Variants in CNTN4 observed in about 807,000 individuals in gnomAD.
CNTN4 encodes the protein contactin 4, also known as contactin-4.
Under a neutral mutation model 122.5 loss-of-function variants are expected in CNTN4, and 77 were observed. The observed-to-expected ratio is 0.63, with a 90% CI of 0.52 to 0.76. The LOEUF is 0.76. Among genes scored for constraint, CNTN4 ranks in the 30% least tolerant of loss-of-function variants. The pLI is 0.00. For synonymous variants in CNTN4, 512 were observed against 447.0 expected (o/e 1.15, Z -1.83); for missense variants, 1,256 against 1,259.1 (o/e 1.00, Z 0.04).
At chr3:2,645,841 AC>A (rs2083092260) in intron 4 of CNTN4, among the ~76,000 whole-genome samples, 2 of 152,214 alleles carry the variant, frequency 1.3e-5, no homozygotes, top group African/African-American at 4.8e-5. Context: ...TTCTGTTTTC[AC>A]CCTCTGACCT....
intron 7 of CNTN4, chr3:2,866,468 C>G: frequency 7.9e-7 from 1 of 1,262,054 alleles, no homozygotes; most frequent in Non-Finnish European, 1.0e-6. Context: ...ACCTGATTAG[C>G]AAACTATAAA....
chr3:2,733,381 A>G (rs2088835428), intron 4 of CNTN4, among the ~76,000 whole-genome samples: 1 of 152,206 alleles, frequency 6.6e-6, no homozygotes, highest in South Asian at 2.1e-4. Flanking sequence ...TTAATTCTTT[A>G]CCATTGAAGT....
intron 3 of CNTN4, among the ~76,000 whole-genome samples, chr3:2,416,491 C>T (rs1280858538): frequency 6.6e-6 from 1 of 152,166 alleles, no homozygotes; most frequent in Non-Finnish European, 1.5e-5. Context: ...AATCAACACA[C>T]TGAAGTAGGA....
At chr3:2,820,916 A>G (rs1179782741) in intron 7 of CNTN4, among the ~76,000 whole-genome samples, 1 of 146,394 alleles carries the variant, frequency 6.8e-6, no homozygotes, top group African/African-American at 2.5e-5. Flanking sequence ...CCCAGCTCAT[A>G]ATGTTCTTTT....
chr3:2,820,566 G>A (rs992138657), intron 7 of CNTN4, among the ~76,000 whole-genome samples: 1 of 152,152 alleles, frequency 6.6e-6, no homozygotes, highest in African/African-American at 2.4e-5. Context: ...CAAGAGTGGG[G>A]AATGGGGAGG....
chr3:2,495,177 A>G (rs768130084), intron 3 of CNTN4, among the ~76,000 whole-genome samples: 4 of 152,224 alleles, frequency 2.6e-5, no homozygotes, highest in Non-Finnish European at 5.9e-5. Context: ...CTGAATGTCT[A>G]AAATGACAGG....
intron 13 of CNTN4, among the ~76,000 whole-genome samples, chr3:2,962,679 GT>G (rs1221829650): frequency 1.3e-5 from 2 of 152,160 alleles, no homozygotes; most frequent in African/African-American, 4.8e-5. Context: ...TGTAGCTTTG[GT>G]TGTAAGACAC....
At chr3:2,964,691 C>G (rs1692117845) in intron 13 of CNTN4, among the ~76,000 whole-genome samples, 1 of 152,140 alleles carries the variant, frequency 6.6e-6, no homozygotes, top group South Asian at 2.1e-4. Context: ...CAGTTGTAAG[C>G]AAGTGTAGCA....
In CNTN4 at chr3:2,202,925, G is replaced by C. The variant is rs562587945; in HGVS notation, c.-145+102286G>C. On this transcript the variant is annotated intron_variant, in intron 2 of 24. Transcript: ENST00000418658. ...TGCAACCTCCACCTCCCAAGTTCGAGATTCTCCTGGCTTAGCCTCCCAAGT... is the reference window on the plus strand; with the variant it reads ...TGCAACCTCCACCTCCCAAGTTCGACATTCTCCTGGCTTAGCCTCCCAAGT... 1.5e-3 allele frequency among the ~76,000 whole-genome samples: 229 copies of C among 151,894 alleles called. 9 individuals are homozygous for C. The South Asian group carries it at 0.046, about 31-fold the overall frequency.
chr3:2,804,585 T>C (rs1163781525), intron 6 of CNTN4, among the ~76,000 whole-genome samples: 1 of 152,224 alleles, frequency 6.6e-6, no homozygotes, highest in African/African-American at 2.4e-5. Context: ...TAAATACTAC[T>C]ATTCAACCTA....
At chr3:2,839,429 CAGTG>C (rs933525300) in intron 7 of CNTN4, among the ~76,000 whole-genome samples, 1 of 150,892 alleles carries the variant, frequency 6.6e-6, no homozygotes, top group Non-Finnish European at 1.5e-5. Flanking sequence ...AAAAAAAAGA[CAGTG>C]GGAATCACAA....
chr3:2,919,019 G>C (rs568751139), intron 12 of CNTN4, among the ~76,000 whole-genome samples: 2 of 152,004 alleles, frequency 1.3e-5, no homozygotes, highest in East Asian at 3.9e-4. Flanking sequence ...GCTCTTACTT[G>C]AATTATGCCA....
intron 3 of CNTN4, among the ~76,000 whole-genome samples, chr3:2,359,784 C>T (rs1575456940): frequency 1.3e-5 from 2 of 152,256 alleles, no homozygotes; most frequent in East Asian, 3.9e-4. Context: ...CGTGATCCAC[C>T]CGCCTCGGCC....
chr3:3,038,148 A>G (rs987385892), intron 18 of CNTN4, among the ~76,000 whole-genome samples: 2 of 152,204 alleles, frequency 1.3e-5, no homozygotes, highest in Non-Finnish European at 2.9e-5. Context: ...CACATACCCC[A>G]GTGAGACCTT....
At chr3:2,606,248 G>A (rs1183648820) in intron 4 of CNTN4, among the ~76,000 whole-genome samples, 1 of 152,162 alleles carries the variant, frequency 6.6e-6, no homozygotes, top group East Asian at 1.9e-4. Flanking sequence ...GCAATAAGAA[G>A]TTATTGTAAG....
intron 4 of CNTN4, 89 bp downstream of exon 4, chr3:2,571,647 G>A: frequency 1.1e-6 from 1 of 927,948 alleles, no homozygotes; most frequent in Non-Finnish European, 1.8e-6. Context: ...AGACGGCAAT[G>A]ATAAAATCGC....
chr3:2,673,005 G>T (rs768024186), intron 4 of CNTN4, among the ~76,000 whole-genome samples: 43 of 152,266 alleles, frequency 2.8e-4, no homozygotes, highest in Non-Finnish European at 5.4e-4. Context: ...TACAATGACA[G>T]TACTACTTAC....
chr3:2,876,246 T>C (rs954507588), intron 8 of CNTN4, among the ~76,000 whole-genome samples: 5 of 152,176 alleles, frequency 3.3e-5, no homozygotes, highest in African/African-American at 1.2e-4. Context: ...ATGGTGGTGG[T>C]GGTAGAGAAG....
intron 2 of CNTN4, among the ~76,000 whole-genome samples, chr3:2,335,002 C>T (rs577988040): frequency 6.6e-6 from 1 of 152,266 alleles, no homozygotes; most frequent in South Asian, 2.1e-4. Context: ...TAGACCTTGC[C>T]AGCTGCTGCA....
Sources: allele counts gnomAD v4.1 joint callset (sites outside exome capture counted in the v4.1 genomes callset), GRCh38; gene constraint gnomAD v4.1.1; transcripts MANE v1.5; gene names NCBI Gene and HGNC (gene_info 2026-07-23, HGNC 2026-07-21).